MACF1: variants seen among roughly 807,000 people sequenced by gnomAD.
MACF1 encodes microtubule-actin cross-linking factor 1.
In MACF1, 193 loss-of-function variants were observed where a neutral mutation model predicts 854.8. The ratio of observed to expected loss-of-function variants is 0.23; its 90% confidence interval spans 0.20 to 0.25. MACF1 has a LOEUF of 0.25. Among genes scored for constraint, MACF1 ranks in the 10% least tolerant of loss-of-function variants. The pLI is 1.00. For synonymous variants in MACF1, 3,185 were observed against 3,226.7 expected (o/e 0.99, Z 0.44); for missense variants, 7,722 against 8,929.1 (o/e 0.86, Z 5.45).
chr1:39,292,895 C>T (rs746882463), intron 17 of MACF1, 52 bp downstream of exon 17: 1 of 1,420,320 alleles, frequency 7.0e-7, no homozygotes, highest in Non-Finnish European at 9.7e-7. Flanking sequence ...TGGTTCCCCC[C>T]AATCAACTCT....
At chr1:39,448,514 T>C in intron 83 of MACF1, 80 bp from the exon 84 acceptor site, 1 of 1,255,806 alleles carries the variant, frequency 8.0e-7, no homozygotes, top group Non-Finnish European at 1.1e-6. Context: ...GTTTCTAGCC[T>C]GAAAACTCAA....
rs765028239 is a variant in MACF1, at chr1:39,332,594, T to G, written c.6006T>G (p.Pro2002=). ...LTSRDEYQTS[P]PKVVEIGHQR... ...CCAGAGATGAGTATCAAACAAGTCC[T>G]CCAAAAGTGGTTGAAATTGGGCATC... Residue 2002 remains proline (P), a synonymous_variant, in exon 37 of 101, where the codon CCT becomes CCG. Transcript: ENST00000564288. The G allele has an allele frequency of 6.2e-7, 1 of 1,614,082 alleles. No homozygotes were observed. Among genetic ancestry groups the G allele is most frequent in the Non-Finnish European group, 8.5e-7 (1 of 1,180,010 alleles).
chr1:39,410,647 G>A (rs556004663), intron 58 of MACF1: 26 of 1,613,954 alleles, frequency 1.6e-5, no homozygotes, highest in African/African-American at 1.1e-4. Flanking sequence ...CAAAGACAAT[G>A]TTAACAGGAG....
intron 2 of MACF1, among the ~76,000 whole-genome samples, chr1:39,233,349 T>C (rs1186609368): frequency 2.6e-5 from 4 of 152,194 alleles, no homozygotes; most frequent in Non-Finnish European, 5.9e-5. Flanking sequence ...AGGTCTTTCT[T>C]GTTTATGGGG....
Position 39,418,599 on chromosome 1 carries a change from A to G in MACF1, c.15817-3775A>G, listed in dbSNP as rs973908514. Among the ~76,000 whole-genome samples, 11 of 152,400 alleles carry G rather than the reference A, an allele frequency of 7.2e-5. No individual in the cohort carries two copies. The South Asian group carries it at 1.0e-3, about 14-fold the overall frequency. ...ATAACAAGGCTGGATGCCGTGGCTC[A>G]TGCCTGTAATCCTAGCACTTTGGAA... On this transcript the variant is annotated intron_variant, in intron 58 of 100. Transcript: ENST00000564288.
At chr1:39,474,599 C>T (rs1644840397) in intron 97 of MACF1, among the ~76,000 whole-genome samples, 1 of 152,112 alleles carries the variant, frequency 6.6e-6, no homozygotes, top group Non-Finnish European at 1.5e-5. Context: ...GAGACTGAGG[C>T]AGCAGAATCA....
At chr1:39,175,600 G>A (rs1364205140) in intron 2 of MACF1, among the ~76,000 whole-genome samples, 2 of 152,094 alleles carry the variant, frequency 1.3e-5, no homozygotes, top group Non-Finnish European at 2.9e-5. Flanking sequence ...CAAGTATGTT[G>A]TGATTGTATT....
chr1:39,100,121 G>A (rs1392006924), intron 2 of MACF1, among the ~76,000 whole-genome samples: 1 of 152,092 alleles, frequency 6.6e-6, no homozygotes, highest in African/African-American at 2.4e-5. Flanking sequence ...GGGTTAATTG[G>A]TGGGCGCACT....
At chr1:39,413,011 G>A in intron 58 of MACF1, 1 of 1,583,012 alleles carries the variant, frequency 6.3e-7, no homozygotes, top group South Asian at 1.1e-5. Flanking sequence ...TACAGTATCT[G>A]TCCCTGAAGG....
intron 2 of MACF1, among the ~76,000 whole-genome samples, chr1:39,195,474 T>C (rs964727365): frequency 3.3e-5 from 5 of 152,194 alleles, no homozygotes; most frequent in Non-Finnish European, 7.3e-5. Flanking sequence ...AAAAACAGTC[T>C]AGTGAGGGAG....
At chr1:39,474,403 A>AATAAATATATG (rs978555368) in intron 97 of MACF1, among the ~76,000 whole-genome samples, 1 of 150,934 alleles carries the variant, frequency 6.6e-6, no homozygotes, top group African/African-American at 2.4e-5. Context: ...AATAATAATA[A>AATAAATATATG]ATAAATATAT....
At chr1:39,451,589 C>T (rs1159440390) in intron 85 of MACF1, among the ~76,000 whole-genome samples, 1 of 152,006 alleles carries the variant, frequency 6.6e-6, no homozygotes, top group Non-Finnish European at 1.5e-5. Context: ...ACAATCCTAA[C>T]ACCAGGCACG....
chr1:39,381,382 G>T (rs964428875), intron 55 of MACF1, among the ~76,000 whole-genome samples: 15 of 143,130 alleles, frequency 1.0e-4, no homozygotes, highest in South Asian at 2.3e-4. Flanking sequence ...TTTTTTTGGG[G>T]GGGGGGACAG....
chr1:39,422,996 G>C, intron 60 of MACF1, 96 bp downstream of exon 60: 1 of 1,116,282 alleles, frequency 9.0e-7, no homozygotes, highest in Non-Finnish European at 1.3e-6. Flanking sequence ...AGGAGTTTTA[G>C]TAGAATCCTA....
rs1432402366 is a variant in MACF1, at chr1:39,430,697, C to T, written c.17131-5C>T. 3 of 1,610,758 alleles carry T rather than the reference C, an allele frequency of 1.9e-6. No homozygotes were observed. Among genetic ancestry groups the T allele is most frequent in the African/African-American group, 2.7e-5 (2 of 74,804 alleles). Reference sequence around the variant, plus strand: ...TATGGCCTGAAAACTCTTTTCCCTCCTTAGGAATTAAAGAAGGAGGTCATG... The same window carrying T: ...TATGGCCTGAAAACTCTTTTCCCTCTTTAGGAATTAAAGAAGGAGGTCATG... On this transcript the variant is annotated splice_region_variant and splice_polypyrimidine_tract_variant and intron_variant, in intron 65 of 100. Coordinates refer to ENST00000564288, the MANE Select transcript of MACF1 (RefSeq NM_001394062.1).
chr1:39,245,723 A>G (rs181596163), intron 2 of MACF1, among the ~76,000 whole-genome samples: 4 of 152,342 alleles, frequency 2.6e-5, no homozygotes, highest in African/African-American at 9.6e-5. Flanking sequence ...CTGTGTCTCA[A>G]TCAATCAAGC....
intron 6 of MACF1, among the ~76,000 whole-genome samples, chr1:39,274,569 C>T (rs148043223): frequency 6.6e-6 from 1 of 152,130 alleles, no homozygotes; most frequent in African/African-American, 2.4e-5. Flanking sequence ...GTGAATACTA[C>T]CTCATTTTGT....
chr1:39,284,022 G>T, intron 9 of MACF1, 44 bp from the exon 10 acceptor site: 2 of 1,601,668 alleles, frequency 1.2e-6, no homozygotes, highest in South Asian at 2.3e-5. Context: ...TGCTTGTTTT[G>T]GATATTGCTA....
intron 91 of MACF1, 32 bp downstream of exon 91, chr1:39,459,281 CA>C: frequency 6.3e-7 from 1 of 1,583,270 alleles, no homozygotes; most frequent in Non-Finnish European, 8.6e-7. Flanking sequence ...TTCCCTGAAA[CA>C]AAGTGCTTTT....
Sources: gnomAD v4.1 joint callset for allele counts (sites outside exome capture counted in the v4.1 genomes callset) on GRCh38, gnomAD v4.1.1 for gene constraint, MANE v1.5 for transcripts, NCBI Gene and HGNC (gene_info 2026-07-23, HGNC 2026-07-21) for gene names.